The following HECTD4 variants were observed in gnomAD, a reference collection of about 807,000 sequenced individuals.
The protein encoded by HECTD4 is probable E3 ubiquitin-protein ligase HECTD4.
A neutral mutation model predicts 471.5 loss-of-function variants in HECTD4; 114 were observed. The observed-to-expected ratio is 0.24, with a 90% CI of 0.21 to 0.28. The LOEUF (loss-of-function observed/expected upper bound fraction) is 0.28, where lower values mean the gene tolerates loss of function less well. HECTD4 is among the 10% of genes least tolerant of loss of function. The pLI is 1.00. For synonymous variants in HECTD4, 2,012 were observed against 2,256.0 expected (o/e 0.89, Z 3.07); for missense variants, 3,866 against 5,651.5 (o/e 0.68, Z 10.13).
At chr12:112,206,401 A>G (rs2032582223) in intron 52 of HECTD4, among the ~76,000 whole-genome samples, 1 of 152,146 alleles carries the variant, frequency 6.6e-6, no homozygotes, top group African/African-American at 2.4e-5. Flanking sequence ...AAGCTGAAGC[A>G]GGAGGATCTC....
Position 112,359,974 on chromosome 12 carries a change from G to A in HECTD4, c.177+21978C>T, listed in dbSNP as rs543350072. Among the ~76,000 whole-genome samples the A allele has an allele frequency of 1.7e-4, 26 of 152,290 alleles. No individual in the cohort carries two copies. The South Asian group carries it at 3.9e-3, about 23-fold the overall frequency. On this transcript the variant is annotated intron_variant, in intron 1 of 75. Coordinates refer to ENST00000682272, the MANE Select transcript of HECTD4 (RefSeq NM_001388303.1). ...AAAGAGAATTAAGAGGGAGGAATAC[G>A]CACAGGTGCAACAATGGACTTTTCC...
chr12:112,239,150 G>A lies in HECTD4; in HGVS notation c.5192C>T (p.Ser1731Phe), dbSNP rs368516399. 2.5e-6 allele frequency: 4 copies of A among 1,613,930 alleles called. No homozygotes were observed. In the African/African-American group the frequency reaches 5.3e-5, roughly 22 times the overall value. Residue 1731 changes from serine to phenylalanine, a missense_variant, in exon 34 of 76, where the codon TCC (serine) becomes TTC (phenylalanine). By Grantham distance (155) the Ser-to-Phe change is radical. Transcript: ENST00000682272. The surrounding 1 kb of genome is among the most constrained non-coding windows in gnomAD (Gnocchi z 4.9). ...CTGCTTCTTGGTCTGTTTCTCACTG[G>A]AGCTGGACTCGGTCTGATTGCTCAA... ...CSLSNQTESS[S>F]SEKQTKKQKV...
rs1192408189 is a variant in HECTD4, at chr12:112,219,502, C to T, written c.6971-13G>A. The T allele has an allele frequency of 6.3e-7, 1 of 1,593,056 alleles. No homozygotes were observed. The highest frequency in any genetic ancestry group is 8.6e-7 in the Non-Finnish European group (1 of 1,163,520). Reference sequence around the variant, plus strand: ...GCAAGTCGCTCTCCTGTAGAGGGCACATGTTGAATCTGTGAAAACAACTCC... The same window carrying T: ...GCAAGTCGCTCTCCTGTAGAGGGCATATGTTGAATCTGTGAAAACAACTCC... On this transcript the variant is annotated splice_polypyrimidine_tract_variant and intron_variant, in intron 44 of 75. Coordinates refer to ENST00000682272, the MANE Select transcript of HECTD4 (RefSeq NM_001388303.1).
At chr12:112,378,167 T>C (rs1200477183) in intron 1 of HECTD4, among the ~76,000 whole-genome samples, 1 of 152,172 alleles carries the variant, frequency 6.6e-6, no homozygotes, top group African/African-American at 2.4e-5. Context: ...AACTTCTTTC[T>C]AAAATGAGGG....
intron 1 of HECTD4, among the ~76,000 whole-genome samples, chr12:112,376,650 C>T (rs751594743): frequency 2.0e-5 from 3 of 152,204 alleles, no homozygotes; most frequent in South Asian, 2.1e-4. Context: ...TCCCCTTTAG[C>T]TTACTGGGCT....
chr12:112,368,394 T>G (rs897018284), intron 1 of HECTD4, among the ~76,000 whole-genome samples: 3 of 152,306 alleles, frequency 2.0e-5, no homozygotes. Flanking sequence ...ACTTTAAAAA[T>G]CACTACAAAT....
chr12:112,184,622 G>A lies in HECTD4; in HGVS notation c.10344C>T (p.Ala3448=), dbSNP rs754014013. The part of the protein sequence containing the change: ...EEDTKKPKDK[A]EGGDGKVEPE... ...GCTCAACTTTCCCGTCCCCGCCCTCGGCCTTGTCTTTTGGCTTCTTGGTGT... is the reference window on the plus strand; with the variant it reads ...GCTCAACTTTCCCGTCCCCGCCCTCAGCCTTGTCTTTTGGCTTCTTGGTGT... Residue 3448 remains alanine, a synonymous_variant, in exon 61 of 76, where the codon GCC becomes GCT. Transcript: ENST00000682272. This position sits in a 1 kb window ranked among gnomAD's most constrained non-coding sequence, Gnocchi z 9.1. 11 of 1,613,890 alleles carry A rather than the reference G, an allele frequency of 6.8e-6. No individual in the cohort carries two copies. Among genetic ancestry groups the A allele is most frequent in the East Asian group, 2.2e-5 (1 of 44,880 alleles).
intron 58 of HECTD4, 83 bp downstream of exon 58, chr12:112,192,978 A>G (rs2032132663): frequency 1.3e-6 from 2 of 1,539,030 alleles, no homozygotes; most frequent in Admixed American, 1.8e-5. Flanking sequence ...CAGTGATTTG[A>G]ATTTTTTTCC....
At chr12:112,171,075 C>T in intron 68 of HECTD4, 42 bp downstream of exon 68, 2 of 1,545,236 alleles carry the variant, frequency 1.3e-6, no homozygotes, top group Non-Finnish European at 1.8e-6. Context: ...TTGCAGGTCA[C>T]CTCTCTCTTC....
At chr12:112,170,889 C>T (rs1162663261) in intron 68 of HECTD4, 3 of 518,544 alleles carry the variant, frequency 5.8e-6, no homozygotes, top group Non-Finnish European at 1.0e-5. Context: ...AATTTGAAAA[C>T]CTTAAAAATA....
At chr12:112,320,342 A>C (rs2035559360) in intron 1 of HECTD4, among the ~76,000 whole-genome samples, 1 of 152,062 alleles carries the variant, frequency 6.6e-6, no homozygotes, top group East Asian at 1.9e-4. Flanking sequence ...TCAAAAAATA[A>C]TACTACAAAA....
At chr12:112,249,115 G>A (rs1332634436) in intron 25 of HECTD4, among the ~76,000 whole-genome samples, 1 of 152,178 alleles carries the variant, frequency 6.6e-6, no homozygotes, top group Non-Finnish European at 1.5e-5. Flanking sequence ...AGCACTTTGG[G>A]AGGCTGAGGC....
At chr12:112,331,857 G>A (rs1012186791) in intron 1 of HECTD4, among the ~76,000 whole-genome samples, 2 of 152,172 alleles carry the variant, frequency 1.3e-5, no homozygotes, top group African/African-American at 2.4e-5. Flanking sequence ...TCAGGGACAA[G>A]GGAGGTAATA....
At chr12:112,274,338 T>C (rs150820375) in intron 10 of HECTD4, among the ~76,000 whole-genome samples, 61 of 152,366 alleles carry the variant, frequency 4.0e-4, no homozygotes, top group Middle Eastern at 6.8e-3. Context: ...GTATCTTCAA[T>C]TGCAGTTTAT....
Position 112,365,725 on chromosome 12 carries a change from C to G in HECTD4, c.177+16227G>C, listed in dbSNP as rs1344439. Among the ~76,000 whole-genome samples the G allele has an allele frequency of 0.055, 8,327 of 150,090 alleles. 1,275 individuals are homozygous for G. In the East Asian group the frequency reaches 0.61, roughly 11 times the overall value. On this transcript the variant is annotated intron_variant, in intron 1 of 75. Coordinates refer to ENST00000682272, the MANE Select transcript of HECTD4 (RefSeq NM_001388303.1). ...CATTTAGATTTTAAAAACAATGTTT[C>G]TCTTGGGATAGCAACTGTTACTGCT...
rs561127192 is a variant in HECTD4, at chr12:112,368,636, C to A, written c.177+13316G>T. On this transcript the variant is annotated intron_variant, in intron 1 of 75. Transcript: ENST00000682272. ...TAAGTAATCACAGGATCCAAAACTGCAAATAGCATATAATCCCAATTTTAT... is the reference window on the plus strand; with the variant it reads ...TAAGTAATCACAGGATCCAAAACTGAAAATAGCATATAATCCCAATTTTAT... Among the ~76,000 whole-genome samples the A allele has an allele frequency of 2.6e-5, 4 of 152,170 alleles. No homozygotes were observed. In the East Asian group the frequency reaches 7.7e-4, roughly 29 times the overall value.
At chr12:112,226,837 A>T (rs1000696837) in intron 43 of HECTD4, 79 bp from the exon 44 acceptor site, 2 of 1,061,488 alleles carry the variant, frequency 1.9e-6, no homozygotes, top group Non-Finnish European at 2.7e-6. Context: ...AAAACATTTC[A>T]ATCAATTTTG....
At chr12:112,294,486 T>C (rs1170433078) in intron 7 of HECTD4, among the ~76,000 whole-genome samples, 1 of 152,218 alleles carries the variant, frequency 6.6e-6, no homozygotes, top group Non-Finnish European at 1.5e-5. Flanking sequence ...TTAAAATCTA[T>C]TCAATAACTT....
chr12:112,374,376 A>C (rs1430063521), intron 1 of HECTD4, among the ~76,000 whole-genome samples: 1 of 152,202 alleles, frequency 6.6e-6, no homozygotes, highest in African/African-American at 2.4e-5. Flanking sequence ...TCATACAGCA[A>C]GCAAGGAGCA....
Sources: gnomAD v4.1 joint callset for allele counts (sites outside exome capture counted in the v4.1 genomes callset) on GRCh38, gnomAD v4.1.1 for gene constraint, Gnocchi (gnomAD v3.1) non-coding constraint, MANE v1.5 for transcripts, NCBI Gene and HGNC (gene_info 2026-07-23, HGNC 2026-07-21) for gene names.